ZBTB38: variants seen among roughly 807,000 people sequenced by gnomAD.
ZBTB38 encodes the protein zinc finger and BTB domain containing 38.
ZBTB38 carries 20 observed loss-of-function variants against 76.8 expected under a neutral mutation model. The observed-to-expected ratio is 0.26, with a 90% CI of 0.18 to 0.38. The LOEUF is 0.38. Ranked by LOEUF, ZBTB38 falls within the 10% of genes least tolerant of loss-of-function variation. The pLI is 1.00. For missense variants in ZBTB38, 1,082 were observed against 1,482.3 expected (o/e 0.73, Z 4.43); for synonymous variants, 504 against 544.2 (o/e 0.93, Z 1.03).
rs527685896 is a variant in ZBTB38, at chr3:141,402,056, A to C, written c.-105-1871A>C. ...ACAGTCACCAGGCTCTGTGGCCCAG[A>C]GTCCTAACTGCGTTGTCCTTCGGCA... On this transcript the variant is annotated intron_variant, in intron 4 of 5. Transcript: ENST00000321464. Among the ~76,000 whole-genome samples, 3 of 152,346 alleles carry C rather than the reference A, an allele frequency of 2.0e-5. No individual in the cohort carries two copies. In the East Asian group the frequency reaches 5.8e-4, roughly 29 times the overall value.
chr3:141,348,742 C>G (rs6781636), intron 1 of ZBTB38, among the ~76,000 whole-genome samples: 1 of 151,998 alleles, frequency 6.6e-6, no homozygotes, highest in Non-Finnish European at 1.5e-5. Context: ...GTATCTGATT[C>G]AAGATGGCAG....
intron 1 of ZBTB38, among the ~76,000 whole-genome samples, chr3:141,326,573 G>A (rs181461571): frequency 1.7e-3 from 263 of 152,206 alleles, no homozygotes; most frequent in Non-Finnish European, 3.3e-3. Context: ...AGTTATTCTT[G>A]TTAGAGTTTC....
chr3:141,332,789 G>A (rs1229480914), intron 1 of ZBTB38, among the ~76,000 whole-genome samples: 1 of 152,110 alleles, frequency 6.6e-6, no homozygotes, highest in Non-Finnish European at 1.5e-5. Flanking sequence ...AGTAACATTA[G>A]CTTAAGAAAA....
At chr3:141,334,055 TCACCCATAAA>T (rs1559910614) in intron 1 of ZBTB38, among the ~76,000 whole-genome samples, 4 of 152,106 alleles carry the variant, frequency 2.6e-5, no homozygotes, top group Admixed American at 6.5e-5. Flanking sequence ...ATCCTTTGAA[TCACCCATAAA>T]GAATGGGACG....
chr3:141,361,887 C>T (rs1200842222), intron 1 of ZBTB38, among the ~76,000 whole-genome samples: 1 of 152,052 alleles, frequency 6.6e-6, no homozygotes, highest in African/African-American at 2.4e-5. Context: ...TACACCTCAG[C>T]GAAAGTGAGG....
At chr3:141,350,449 T>G (rs1263023091) in intron 1 of ZBTB38, among the ~76,000 whole-genome samples, 1 of 152,230 alleles carries the variant, frequency 6.6e-6, no homozygotes, top group East Asian at 1.9e-4. Context: ...TCAAGTTTAT[T>G]CAGTCTCCTT....
chr3:141,409,612 A>G (rs528024909), intron 5 of ZBTB38, among the ~76,000 whole-genome samples: 5 of 152,340 alleles, frequency 3.3e-5, no homozygotes, highest in African/African-American at 7.2e-5. Context: ...GCCAGGTAGG[A>G]GATCAGGACC....
In ZBTB38 at chr3:141,332,065, C is replaced by G. The variant is rs554187239; in HGVS notation, c.-739+7609C>G. Among the ~76,000 whole-genome samples the G allele has an allele frequency of 2.6e-4, 39 of 152,314 alleles. 1 individual carries two copies. Among genetic ancestry groups the G allele is most frequent in the African/African-American group, 8.9e-4 (37 of 41,564 alleles). ...TTTTTCTGACCCTTGGCCTTTCCTG[C>G]AGATCCACGTCAAACACCATAACTG... is the stretch of plus-strand genomic sequence containing the variant. On this transcript the variant is annotated intron_variant, in intron 1 of 7. Transcript: ENST00000509842.
chr3:141,442,605 G>C lies in ZBTB38; in HGVS notation c.217G>C (p.Val73Leu). 1 of 1,614,128 alleles carries C rather than the reference G, an allele frequency of 6.2e-7. No homozygotes were observed. Among genetic ancestry groups the C allele is most frequent in the Non-Finnish European group, 8.5e-7 (1 of 1,179,990 alleles). Residue 73 changes from valine (V) to leucine (L), a missense_variant, in exon 6 of 6, where the codon GTC becomes CTC. By Grantham distance (32) the Val-to-Leu change is conservative. Around this residue, in one of 8 missense-constraint regions of ZBTB38, gnomAD observed 68 missense variants for 153.0 expected, o/e 0.44. Transcript: ENST00000321464. This position sits in a 1 kb window ranked among gnomAD's most constrained non-coding sequence, Gnocchi z 6.4. The stretch of plus-strand genomic sequence containing the variant: ...CCATACAATCTGTATTTCCAGCCAC[G>C]TCCTGGAGCTGGACGATCTCAAAGC... ...WSHTICISSH[V>L]LELDDLKAEV... is the part of the protein sequence containing the mutation.
intron 5 of ZBTB38, chr3:141,432,106 C>A: frequency 1.0e-6 from 1 of 985,452 alleles, no homozygotes; most frequent in African/African-American, 1.7e-5. Flanking sequence ...GATGGTACAG[C>A]CAGCTCACTG....
intron 1 of ZBTB38, among the ~76,000 whole-genome samples, chr3:141,334,301 G>A (rs1942943038): frequency 6.6e-6 from 1 of 151,808 alleles, no homozygotes; most frequent in South Asian, 2.1e-4. Context: ...TCTCTCTGAG[G>A]CATCTTCTCA....
chr3:141,357,990 A>C (rs897892489), intron 1 of ZBTB38, among the ~76,000 whole-genome samples: 5 of 152,144 alleles, frequency 3.3e-5, no homozygotes, highest in Non-Finnish European at 7.4e-5. Context: ...CCCAATAAAG[A>C]TCATACACTC....
At chr3:141,422,657 A>G (rs1272718654) in intron 5 of ZBTB38, among the ~76,000 whole-genome samples, 1 of 152,218 alleles carries the variant, frequency 6.6e-6, no homozygotes, top group East Asian at 1.9e-4. Context: ...AAGCCACTCA[A>G]GGGGTAGAAG....
chr3:141,393,720 C>T lies in ZBTB38; in HGVS notation c.-106+6783C>T, dbSNP rs527689132. ...CAGCCAGGGGGACAAAAGGAGATGC[C>T]GCTCTGCTGCGCCATGGAGCTGGGG... is the stretch of plus-strand genomic sequence containing the variant. On this transcript the variant is annotated intron_variant, in intron 4 of 5. Coordinates refer to ENST00000321464, the MANE Select transcript of ZBTB38 (RefSeq NM_001376113.1). Among the ~76,000 whole-genome samples, 6 of 152,184 alleles carry T rather than the reference C, an allele frequency of 3.9e-5. No homozygotes were observed. In the South Asian group the frequency reaches 8.3e-4, roughly 21 times the overall value.
chr3:141,368,146 G>T (rs1393646261), upstream of ZBTB38, among the ~76,000 whole-genome samples: 1 of 152,228 alleles, frequency 6.6e-6, no homozygotes, highest in Non-Finnish European at 1.5e-5. Context: ...TGGCAGAGGG[G>T]CAGTGAGAGG....
rs966640485 is a variant in ZBTB38 at position 141,448,711 on chromosome 3, CTT to C, written c.*2739_*2740del. 4 of 152,158 alleles carry C rather than the reference CTT, an allele frequency of 2.6e-5. No individual in the cohort carries two copies. The highest frequency in any genetic ancestry group is 9.7e-5 in the African/African-American group (4 of 41,444). The allele number at this position is 152,158 out of a possible 1,614,324, so 9.4% of individuals were successfully genotyped here. A position where few individuals can be genotyped will look rare whatever the true frequency, so the allele number is the denominator to read the frequency against. On this transcript the variant is annotated 3_prime_UTR_variant, in exon 6 of 6. Transcript: ENST00000321464. ...AATAGCTTATTCCTACATTAAGTCT[CTT>C]TTTAAATGTTTTCATGTTATTTCTT...
In ZBTB38 at chr3:141,378,172, C is replaced by A. The variant is rs577032652; in HGVS notation, c.-234-3253C>A. Among the ~76,000 whole-genome samples the A allele has an allele frequency of 2.9e-5, 4 of 140,298 alleles. No homozygotes were observed. The East Asian group carries it at 8.0e-4, about 28-fold the overall frequency. 92.0% of individuals were successfully genotyped at this position (140,298 alleles called of 152,430 possible). A position where few individuals can be genotyped will look rare whatever the true frequency, so the allele number is the denominator to read the frequency against. On this transcript the variant is annotated intron_variant, in intron 2 of 5. Coordinates refer to ENST00000321464, the MANE Select transcript of ZBTB38 (RefSeq NM_001376113.1). ...CCAGCCTGGGTGACAGAGCGAGACCCTGTCTCAACAAGCAAAAAAAAAAAA... is the reference window on the plus strand; with the variant it reads ...CCAGCCTGGGTGACAGAGCGAGACCATGTCTCAACAAGCAAAAAAAAAAAA...
chr3:141,370,233 T>C (rs1236848638), intron 2 of ZBTB38, among the ~76,000 whole-genome samples: 2 of 152,254 alleles, frequency 1.3e-5, no homozygotes, highest in East Asian at 3.8e-4. Context: ...AGAGGGGCTT[T>C]GCCTTCTGCA....
intron 1 of ZBTB38, among the ~76,000 whole-genome samples, chr3:141,346,934 G>A (rs1943380980): frequency 6.6e-6 from 1 of 152,102 alleles, no homozygotes; most frequent in Admixed American, 6.5e-5. Context: ...CATCTGCCTG[G>A]TGGAAATTAC....
Sources: gnomAD v4.1 joint callset for allele counts (sites outside exome capture counted in the v4.1 genomes callset) on GRCh38, gnomAD v4.1.1 for gene constraint, gnomAD v4.1.1 regional missense constraint, Gnocchi (gnomAD v3.1) non-coding constraint, MANE v1.5 for transcripts, NCBI Gene and HGNC (gene_info 2026-07-23, HGNC 2026-07-21) for gene names.